Variants in PRIMA1 observed in about 807,000 individuals in gnomAD.
PRIMA1 encodes the protein proline rich membrane anchor 1, also known as proline-rich membrane anchor 1.
Under a neutral mutation model 17.5 loss-of-function variants are expected in PRIMA1, and 7 were observed. The ratio of observed to expected loss-of-function variants is 0.40; its 90% CI spans 0.23 to 0.75. PRIMA1 has a LOEUF of 0.75. PRIMA1 is among the 30% of genes least tolerant of loss of function. The pLI is 0.37. For synonymous variants in PRIMA1, 97 were observed against 77.9 expected (o/e 1.25, Z -1.29); for missense variants, 200 against 201.8 (o/e 0.99, Z 0.05).
At chr14:93,786,707 C>T (rs1029233278) in intron 2 of PRIMA1, among the ~76,000 whole-genome samples, 14 of 152,042 alleles carry the variant, frequency 9.2e-5, no homozygotes, top group Non-Finnish European at 1.8e-4. Flanking sequence ...AAACAGACCA[C>T]GCAGTGATAA....
Position 93,721,319 on chromosome 14 carries a change from G to T in PRIMA1, c.*125C>A. 3.1e-6 allele frequency: 2 copies of T among 640,232 alleles called. No individual in the cohort carries two copies. Among genetic ancestry groups the T allele is most frequent in the Non-Finnish European group, 2.7e-6 (1 of 364,412 alleles). 39.7% of individuals were successfully genotyped at this position (640,232 alleles called of 1,614,324 possible). ...AAGACAATGGTTTCTCCTTCGGGAGGCTCAGGGCCTGTGAGGCAATGAAGT... is the reference window on the plus strand; with the variant it reads ...AAGACAATGGTTTCTCCTTCGGGAGTCTCAGGGCCTGTGAGGCAATGAAGT... On this transcript the variant is annotated 3_prime_UTR_variant, in exon 5 of 5. Coordinates refer to ENST00000393140, the MANE Select transcript of PRIMA1 (RefSeq NM_178013.4).
chr14:93,731,096 C>T (rs2076111147), intron 4 of PRIMA1, among the ~76,000 whole-genome samples: 1 of 152,182 alleles, frequency 6.6e-6, no homozygotes, highest in South Asian at 2.1e-4. Context: ...AAGGAAACAG[C>T]ATAGTACGCT....
At chr14:93,750,022 A>C (rs2076250404) in intron 3 of PRIMA1, among the ~76,000 whole-genome samples, 1 of 152,194 alleles carries the variant, frequency 6.6e-6, no homozygotes. Flanking sequence ...CTCTACTAAA[A>C]ATACAAAAAA....
At chr14:93,788,672 G>A (rs1885605020), upstream of PRIMA1, among the ~76,000 whole-genome samples, 1 of 152,108 alleles carries the variant, frequency 6.6e-6, no homozygotes. Context: ...CTGAGCAGAG[G>A]ACCAGGAGCG....
intron 3 of PRIMA1, among the ~76,000 whole-genome samples, chr14:93,766,859 G>C (rs74073720): frequency 6.6e-6 from 1 of 152,124 alleles, no homozygotes; most frequent in Non-Finnish European, 1.5e-5. Flanking sequence ...TCAAGAAGAA[G>C]AAATGAAGAA....
intron 3 of PRIMA1, among the ~76,000 whole-genome samples, chr14:93,757,018 A>G (rs1053161857): frequency 2.0e-5 from 3 of 152,212 alleles, no homozygotes; most frequent in Non-Finnish European, 4.4e-5. Context: ...GAGATAGAAG[A>G]AAACCCAACC....
chr14:93,769,556 G>A (rs966970490), intron 3 of PRIMA1, among the ~76,000 whole-genome samples: 2 of 152,140 alleles, frequency 1.3e-5, no homozygotes, highest in South Asian at 2.1e-4. Context: ...ACAGTCCCTC[G>A]TCACAGGCTC....
intron 3 of PRIMA1, among the ~76,000 whole-genome samples, chr14:93,740,355 G>A (rs1252740864): frequency 6.6e-6 from 1 of 152,174 alleles, no homozygotes; most frequent in Non-Finnish European, 1.5e-5. Flanking sequence ...GGGTATCCCT[G>A]ACTTGGCTGT....
intron 3 of PRIMA1, among the ~76,000 whole-genome samples, chr14:93,767,921 T>C (rs1443819447): frequency 6.6e-6 from 1 of 152,112 alleles, no homozygotes; most frequent in African/African-American, 2.4e-5. Context: ...GGAAGATCAG[T>C]GGCTGCAGGG....
chr14:93,751,918 A>G (rs2076261922), intron 3 of PRIMA1, among the ~76,000 whole-genome samples: 1 of 152,206 alleles, frequency 6.6e-6, no homozygotes, highest in South Asian at 2.1e-4. Flanking sequence ...TAGATACATC[A>G]AGAATTCAGT....
chr14:93,777,567 A>C (rs1008498244), intron 3 of PRIMA1, among the ~76,000 whole-genome samples: 1 of 151,950 alleles, frequency 6.6e-6, no homozygotes, highest in East Asian at 1.9e-4. Flanking sequence ...CGAACTCCTG[A>C]CCTCATGATC....
chr14:93,787,568 A>T (rs1301651254), intron 2 of PRIMA1, 58 bp downstream of exon 2: 2 of 1,535,664 alleles, frequency 1.3e-6, no homozygotes, highest in Non-Finnish European at 1.7e-6. Context: ...GAGGGAAGGG[A>T]CAGCTCGCCC....
chr14:93,766,881 T>C (rs1050124370), intron 3 of PRIMA1, among the ~76,000 whole-genome samples: 4 of 152,118 alleles, frequency 2.6e-5, no homozygotes, highest in African/African-American at 9.7e-5. Context: ...GAAAATAAGA[T>C]ACAAACTGAT....
At chr14:93,778,500 A>T (rs1885285296) in intron 3 of PRIMA1, among the ~76,000 whole-genome samples, 1 of 152,346 alleles carries the variant, frequency 6.6e-6, no homozygotes, top group Non-Finnish European at 1.5e-5. Flanking sequence ...CGACATGATC[A>T]CGGGCATCCT....
At chr14:93,787,323 G>C (rs1017559146) in intron 2 of PRIMA1, among the ~76,000 whole-genome samples, 4 of 152,216 alleles carry the variant, frequency 2.6e-5, no homozygotes, top group African/African-American at 9.6e-5. Context: ...TTCTTTGTAA[G>C]TTTGTTTCTT....
chr14:93,755,854 A>G (rs1212423315), intron 3 of PRIMA1, among the ~76,000 whole-genome samples: 1 of 151,938 alleles, frequency 6.6e-6, no homozygotes, highest in African/African-American at 2.4e-5. Context: ...AGAACCCAGC[A>G]TTGTACCCAC....
intron 3 of PRIMA1, among the ~76,000 whole-genome samples, chr14:93,749,384 G>A (rs2076246720): frequency 1.3e-5 from 2 of 152,172 alleles, no homozygotes; most frequent in South Asian, 4.1e-4. Flanking sequence ...CCTGCTGTGT[G>A]CCATGCACCA....
chr14:93,752,396 A>G (rs1450682170), intron 3 of PRIMA1, among the ~76,000 whole-genome samples: 1 of 152,174 alleles, frequency 6.6e-6, no homozygotes, highest in Non-Finnish European at 1.5e-5. Context: ...AGCTGGAAAC[A>G]TGCCAGGTCA....
rs1566961113 is a variant in PRIMA1, at chr14:93,721,575, G to GC, written c.360-30dup. On this transcript the variant is annotated intron_variant, in intron 4 of 4. Transcript: ENST00000393140. ...GAAGTGGGGGGAGGGGACAGGAAAGGCAAAGGAGGGGGAGGCAGGGACACC... is the reference window on the plus strand; with the variant it reads ...GAAGTGGGGGGAGGGGACAGGAAAGGCCAAAGGAGGGGGAGGCAGGGACACC... The GC allele has an allele frequency of 2.9e-6, 4 of 1,402,654 alleles. No homozygotes were observed. In the Admixed American group the frequency reaches 6.7e-5, roughly 24 times the overall value. The allele number at this position is 1,402,654 out of a possible 1,614,324, so 86.9% of individuals were successfully genotyped here.
Sources: gnomAD v4.1 joint callset for allele counts (sites outside exome capture counted in the v4.1 genomes callset) on GRCh38, gnomAD v4.1.1 for gene constraint, MANE v1.5 for transcripts, NCBI Gene and HGNC (gene_info 2026-07-23, HGNC 2026-07-21) for gene names.